The following KCNQ5 variants were observed in gnomAD, a reference collection of about 807,000 sequenced individuals.
KCNQ5 encodes the protein potassium voltage-gated channel subfamily Q member 5.
A neutral mutation model predicts 98.2 loss-of-function variants in KCNQ5; 30 were observed. The observed-to-expected ratio is 0.31, with a 90% confidence interval of 0.23 to 0.41. The LOEUF (loss-of-function observed/expected upper bound fraction) is 0.41. Among genes scored for constraint, KCNQ5 ranks in the 10% least tolerant of loss-of-function variants. The pLI is 1.00. For missense variants in KCNQ5, 835 were observed against 1,182.5 expected, an observed-to-expected ratio of 0.71 and a Z score of 4.31; for synonymous variants, 458 against 449.4, an observed-to-expected ratio of 1.02 and a Z score of -0.24.
intron 1 of KCNQ5, among the ~76,000 whole-genome samples, chr6:72,704,753 A>T (rs1013521271): frequency 6.6e-6 from 1 of 151,962 alleles, no homozygotes; most frequent in Non-Finnish European, 1.5e-5. Flanking sequence ...CCTATTGCAA[A>T]TCTTTTGATT....
chr6:72,949,619 T>C (rs549339388), intron 1 of KCNQ5, among the ~76,000 whole-genome samples: 2 of 152,368 alleles, frequency 1.3e-5, no homozygotes, highest in East Asian at 3.9e-4. Flanking sequence ...CATTTTTACA[T>C]GTACTTCAAG....
chr6:73,172,953 A>G (rs1376441910), intron 11 of KCNQ5, among the ~76,000 whole-genome samples: 2 of 152,206 alleles, frequency 1.3e-5, no homozygotes, highest in African/African-American at 2.4e-5. Context: ...TCTTATTTTC[A>G]GTTATCAATA....
At chr6:73,090,829 C>A (rs1361023172) in intron 5 of KCNQ5, among the ~76,000 whole-genome samples, 1 of 152,134 alleles carries the variant, frequency 6.6e-6, no homozygotes, top group African/African-American at 2.4e-5. Flanking sequence ...ACAACAGATG[C>A]TGGAGAGGAT....
chr6:72,854,143 A>G (rs1454955298), intron 1 of KCNQ5, among the ~76,000 whole-genome samples: 1 of 152,210 alleles, frequency 6.6e-6, no homozygotes, highest in Non-Finnish European at 1.5e-5. Flanking sequence ...TTGAGATTTA[A>G]ATGAGTTCTT....
intron 1 of KCNQ5, among the ~76,000 whole-genome samples, chr6:72,717,217 A>G (rs1444394537): frequency 6.6e-6 from 1 of 152,200 alleles, no homozygotes; most frequent in African/African-American, 2.4e-5. Flanking sequence ...TCTTTCACCC[A>G]TGTTGTAAAT....
chr6:72,667,134 C>T (rs1249188974), intron 1 of KCNQ5, among the ~76,000 whole-genome samples: 1 of 152,082 alleles, frequency 6.6e-6, no homozygotes, highest in African/African-American at 2.4e-5. Context: ...ACTCTCCTAC[C>T]ACTCTGTCCT....
intron 1 of KCNQ5, among the ~76,000 whole-genome samples, chr6:72,995,063 C>T (rs930454085): frequency 9.2e-5 from 14 of 152,006 alleles, no homozygotes; most frequent in Admixed American, 2.6e-4. Context: ...GAATATTAAG[C>T]AAATGATTTA....
At chr6:73,165,943 GAA>G (rs1332658256) in intron 10 of KCNQ5, among the ~76,000 whole-genome samples, 2 of 148,298 alleles carry the variant, frequency 1.3e-5, no homozygotes, top group Admixed American at 1.3e-4. Context: ...TCAAAAAAAA[GAA>G]AAAAAAAGAG....
intron 1 of KCNQ5, among the ~76,000 whole-genome samples, chr6:72,960,770 A>T (rs1208501954): frequency 6.6e-6 from 1 of 152,250 alleles, no homozygotes; most frequent in Non-Finnish European, 1.5e-5. Context: ...ATGAAACAAA[A>T]AAAGACTCTT....
At chr6:73,079,241 A>G (rs1355847711) in intron 5 of KCNQ5, among the ~76,000 whole-genome samples, 1 of 152,194 alleles carries the variant, frequency 6.6e-6, no homozygotes, top group East Asian at 1.9e-4. Flanking sequence ...GGTAGATTAT[A>G]AATGCTTGTC....
chr6:72,626,530 A>G (rs907632747), intron 1 of KCNQ5, among the ~76,000 whole-genome samples: 1 of 152,226 alleles, frequency 6.6e-6, no homozygotes, highest in South Asian at 2.1e-4. Context: ...TCCTGTAGGC[A>G]GTAGTGGTCA....
chr6:72,712,304 A>G (rs1036413395), intron 1 of KCNQ5, among the ~76,000 whole-genome samples: 5 of 152,192 alleles, frequency 3.3e-5, no homozygotes, highest in Non-Finnish European at 7.4e-5. Context: ...ACAGAAATTC[A>G]TAGAGTCCAA....
chr6:72,933,666 A>C (rs946650153), intron 1 of KCNQ5, among the ~76,000 whole-genome samples: 1 of 152,198 alleles, frequency 6.6e-6, no homozygotes, highest in Admixed American at 6.5e-5. Context: ...ATAAGTAAAA[A>C]TCATGCTGCA....
chr6:72,790,329 G>A (rs1773972310), intron 1 of KCNQ5, among the ~76,000 whole-genome samples: 1 of 152,188 alleles, frequency 6.6e-6, no homozygotes, highest in African/African-American at 2.4e-5. Flanking sequence ...CAATGAAGAT[G>A]AATTTAGTAG....
intron 13 of KCNQ5, among the ~76,000 whole-genome samples, chr6:73,193,538 A>T (rs1360713902): frequency 1.4e-5 from 2 of 146,100 alleles, no homozygotes. Flanking sequence ...AAACTTTATT[A>T]TAATTCTGAT....
At chr6:72,675,039 A>G (rs1296491672) in intron 1 of KCNQ5, among the ~76,000 whole-genome samples, 1 of 152,164 alleles carries the variant, frequency 6.6e-6, no homozygotes, top group Non-Finnish European at 1.5e-5. Context: ...TAGATTTTTC[A>G]TTACGTAAGG....
At chr6:72,703,137 T>C (rs986391796) in intron 1 of KCNQ5, among the ~76,000 whole-genome samples, 8 of 152,250 alleles carry the variant, frequency 5.3e-5, no homozygotes, top group Non-Finnish European at 4.4e-5. Context: ...GAGCAGACTA[T>C]ACTCCTTGTG....
chr6:72,979,178 T>C (rs868320137), intron 1 of KCNQ5, among the ~76,000 whole-genome samples: 1 of 152,244 alleles, frequency 6.6e-6, no homozygotes, highest in Non-Finnish European at 1.5e-5. Flanking sequence ...TTATAATCCT[T>C]TGGGTATATA....
At chr6:72,987,297 GA>G in intron 1 of KCNQ5, 1 of 697,458 alleles carries the variant, frequency 1.4e-6, no homozygotes, top group Non-Finnish European at 2.7e-6. Context: ...GGTGGTGTTG[GA>G]AAAGAAAGGC....
Sources: gnomAD v4.1 joint callset for allele counts (sites outside exome capture counted in the v4.1 genomes callset) on GRCh38, gnomAD v4.1.1 for gene constraint, MANE v1.5 for transcripts, NCBI Gene and HGNC (gene_info 2026-07-23, HGNC 2026-07-21) for gene names.